Variants in BRCA1 observed in about 807,000 individuals in gnomAD.
The protein encoded by BRCA1 is BRCA1 DNA repair associated.
Under a neutral mutation model 173.7 loss-of-function variants are expected in BRCA1, and 140 were observed. That is an observed-to-expected ratio of 0.81 (90% CI 0.70 to 0.93). The LOEUF (loss-of-function observed/expected upper bound fraction) is 0.93, where lower values mean the gene tolerates loss of function less well. BRCA1 is among the 40% of genes least tolerant of loss of function. BRCA1 has a pLI of 0.00. For synonymous variants in BRCA1, 662 were observed against 756.0 expected, an observed-to-expected ratio of 0.88 and a Z score of 2.04; for missense variants, 1,983 against 2,172.5, an observed-to-expected ratio of 0.91 and a Z score of 1.73.
At chr17:43,120,456 T>C (rs1300283224) in intron 2 of BRCA1, among the ~76,000 whole-genome samples, 2 of 152,198 alleles carry the variant, frequency 1.3e-5, no homozygotes, top group African/African-American at 2.4e-5. Flanking sequence ...TACAAATGAA[T>C]GTAAAACACC....
chr17:43,142,268 A>G (rs1485734185), intron 1 of BRCA1, among the ~76,000 whole-genome samples: 1 of 152,124 alleles, frequency 6.6e-6, no homozygotes, highest in African/African-American at 2.4e-5. Flanking sequence ...CCCCTATTAC[A>G]GAGCTGGTGT....
intron 6 of BRCA1, among the ~76,000 whole-genome samples, chr17:43,100,672 A>ATG (rs1433391664): frequency 2.4e-3 from 44 of 18,512 alleles, no homozygotes; most frequent in African/African-American, 8.7e-3. Context: ...ATATATATAT[A>ATG]TATATAATAT....
intron 1 of BRCA1, among the ~76,000 whole-genome samples, chr17:43,145,955 T>C (rs1477163232): frequency 2.0e-5 from 3 of 152,200 alleles, no homozygotes; most frequent in African/African-American, 7.2e-5. Flanking sequence ...TTTAAATTAC[T>C]TCCATCCCCA....
At chr17:43,159,232 C>A (rs2056217897) in intron 1 of BRCA1, among the ~76,000 whole-genome samples, 1 of 152,188 alleles carries the variant, frequency 6.6e-6, no homozygotes, top group Non-Finnish European at 1.5e-5. Context: ...AGCCTCTCGA[C>A]AGAGATCCTG....
chr17:43,052,766 GAC>G (rs1023340695), intron 19 of BRCA1, among the ~76,000 whole-genome samples: 6 of 134,972 alleles, frequency 4.4e-5, no homozygotes, highest in African/African-American at 1.7e-4. Context: ...CCCCTTGACA[GAC>G]AGACGGACAG....
chr17:43,098,195 A>T (rs1403187012), intron 7 of BRCA1, among the ~76,000 whole-genome samples: 1 of 151,374 alleles, frequency 6.6e-6, no homozygotes, highest in African/African-American at 2.4e-5. Context: ...CAGCTAATTT[A>T]AAAAAGAAAT....
At chr17:43,130,322 A>G (rs550928069), upstream of BRCA1, among the ~76,000 whole-genome samples, 1 of 151,934 alleles carries the variant, frequency 6.6e-6, no homozygotes, top group Non-Finnish European at 1.5e-5. Flanking sequence ...CCAATTTTTT[A>G]TTTTATTTTT....
intron 7 of BRCA1, among the ~76,000 whole-genome samples, chr17:43,097,584 T>C (rs1319201571): frequency 1.3e-5 from 2 of 152,114 alleles, no homozygotes; most frequent in African/African-American, 4.8e-5. Context: ...GAGACCCCCG[T>C]TTCTACTGAA....
At chr17:43,048,211 C>T (rs988703802) in intron 21 of BRCA1, among the ~76,000 whole-genome samples, 4 of 150,500 alleles carry the variant, frequency 2.7e-5, no homozygotes, top group Non-Finnish European at 4.5e-5. Context: ...CTCTCTCTCT[C>T]TTTTTTTTTG....
At chr17:43,139,245 CT>C (rs2056055413) in intron 1 of BRCA1, among the ~76,000 whole-genome samples, 1 of 110,932 alleles carries the variant, frequency 9.0e-6, no homozygotes, top group East Asian at 2.7e-4. Context: ...TTTTTTTTAA[CT>C]TTTATTTTAG....
chr17:43,130,809 C>G (rs1412729683), intron 1 of BRCA1, among the ~76,000 whole-genome samples: 3 of 152,202 alleles, frequency 2.0e-5, no homozygotes, highest in African/African-American at 7.2e-5. Flanking sequence ...AGAGCTGTGT[C>G]TAGAACCCAA....
At chr17:43,137,512 G>A (rs1317712128) in intron 1 of BRCA1, among the ~76,000 whole-genome samples, 1 of 151,918 alleles carries the variant, frequency 6.6e-6, no homozygotes, top group African/African-American at 2.4e-5. Flanking sequence ...TTGGAAGGGA[G>A]GCATTGAGGA....
chr17:43,075,553 GCTCT>G (rs890204916), intron 13 of BRCA1, among the ~76,000 whole-genome samples: 8 of 151,956 alleles, frequency 5.3e-5, no homozygotes, highest in South Asian at 2.1e-4. Context: ...CTGAATTACT[GCTCT>G]CTCTCTCTTT....
intron 19 of BRCA1, among the ~76,000 whole-genome samples, chr17:43,053,199 A>G (rs1384875628): frequency 2.6e-5 from 4 of 152,174 alleles, no homozygotes; most frequent in Admixed American, 2.6e-4. Context: ...ACCTGTATGA[A>G]TAAACCGCAC....
chr17:43,056,701 A>C (rs1264982022), intron 19 of BRCA1, among the ~76,000 whole-genome samples: 3 of 150,840 alleles, frequency 2.0e-5, no homozygotes, highest in Non-Finnish European at 3.0e-5. Context: ...GAGAGAGAGC[A>C]AGAGAGAGAG....
chr17:43,109,122 G>A (rs1253911180), intron 3 of BRCA1, among the ~76,000 whole-genome samples: 1 of 152,132 alleles, frequency 6.6e-6, no homozygotes, highest in Admixed American at 6.6e-5. Flanking sequence ...GCCTCCCAAA[G>A]TGCTGGGATT....
At chr17:43,053,193 G>A (rs1305091895) in intron 19 of BRCA1, among the ~76,000 whole-genome samples, 1 of 152,098 alleles carries the variant, frequency 6.6e-6, no homozygotes, top group Non-Finnish European at 1.5e-5. Context: ...CTCACTACCT[G>A]TATGAATAAA....
At chr17:43,138,704 G>A (rs757256089) in intron 1 of BRCA1, 4 of 779,356 alleles carry the variant, frequency 5.1e-6, no homozygotes, top group South Asian at 1.3e-5. Context: ...TGCCAGCAGG[G>A]TGCTGCCAAT....
chr17:43,164,882 A>G (rs898224790), intron 1 of BRCA1: 1 of 152,230 alleles, frequency 6.6e-6, no homozygotes, highest in Non-Finnish European at 1.5e-5. Context: ...TAAACCAAGC[A>G]TATAATTCTA....
Sources: allele counts gnomAD v4.1 joint callset (sites outside exome capture counted in the v4.1 genomes callset), GRCh38; gene constraint gnomAD v4.1.1; transcripts MANE v1.5; gene names NCBI Gene and HGNC (gene_info 2026-07-23, HGNC 2026-07-21).